Variants in DNAH11 observed in about 807,000 individuals in gnomAD.
DNAH11 encodes the protein dynein axonemal heavy chain 11, also known as axonemal beta dynein heavy chain 11.
A neutral mutation model predicts 526.0 loss-of-function variants in DNAH11; 442 were observed. The ratio of observed to expected loss-of-function variants is 0.84; its 90% CI spans 0.78 to 0.91. DNAH11 has a LOEUF of 0.91. Among genes scored for constraint, DNAH11 ranks in the 40% least tolerant of loss-of-function variants. The probability of loss-of-function intolerance (pLI) is 0.00; values close to 1 mark genes in which losing one functional copy is unlikely to be tolerated. For synonymous variants in DNAH11, 2,461 were observed against 1,935.9 expected, an observed-to-expected ratio of 1.27 and a Z score of -7.12; for missense variants, 6,989 against 5,448.7, an observed-to-expected ratio of 1.28 and a Z score of -8.90.
chr7:21,590,336 G>C (rs566852569), intron 12 of DNAH11, among the ~76,000 whole-genome samples: 2 of 152,114 alleles, frequency 1.3e-5, no homozygotes, highest in Non-Finnish European at 2.9e-5. Flanking sequence ...ACCACCATGG[G>C]TATGCTTTAG....
chr7:21,639,368 G>T (rs1787017776), intron 28 of DNAH11, among the ~76,000 whole-genome samples: 3 of 152,134 alleles, frequency 2.0e-5, no homozygotes, highest in Admixed American at 2.0e-4. Flanking sequence ...ACAAGAACTG[G>T]GACATCCATT....
rs575476197 is a variant in DNAH11 at position 21,601,467 on chromosome 7, A to C, written c.3497A>C (p.His1166Pro). ...CAGAGAGAATTAAATGAAGGTGATC[A>C]TGATGGTTTAGTTGACATCATGGTG... ...GLQRELNEGDHDGLVDIMVHL... is the reference protein window; with the variant it reads ...GLQRELNEGDPDGLVDIMVHL... Residue 1166 changes from histidine to proline, a missense_variant, in exon 18 of 82, where the codon CAT (histidine) becomes CCT (proline). Coordinates refer to ENST00000409508, the MANE Select transcript of DNAH11 (RefSeq NM_001277115.2). The C allele has an allele frequency of 7.4e-6, 12 of 1,613,864 alleles. No homozygotes were observed. Among genetic ancestry groups the C allele is most frequent in the African/African-American group, 5.3e-5 (4 of 75,062 alleles).
chr7:21,605,410 A>T (rs952488077), intron 18 of DNAH11, among the ~76,000 whole-genome samples: 1 of 152,220 alleles, frequency 6.6e-6, no homozygotes, highest in African/African-American at 2.4e-5. Context: ...TGCTCCATGC[A>T]TTGCTCCTTA....
chr7:21,689,215 C>T (rs1312228012), intron 34 of DNAH11, among the ~76,000 whole-genome samples: 1 of 152,156 alleles, frequency 6.6e-6, no homozygotes, highest in African/African-American at 2.4e-5. Context: ...TTTTATCTAG[C>T]TTTTAGTCAA....
chr7:21,701,985 G>A (rs971994651), intron 36 of DNAH11, among the ~76,000 whole-genome samples: 4 of 152,162 alleles, frequency 2.6e-5, no homozygotes, highest in African/African-American at 9.7e-5. Flanking sequence ...CCTTTACTGA[G>A]CACCGTGCAA....
chr7:21,720,692 T>G (rs1054739466), intron 43 of DNAH11, 33 bp from the exon 44 acceptor site: 1 of 1,527,410 alleles, frequency 6.5e-7, no homozygotes, highest in Non-Finnish European at 8.8e-7. Context: ...TTTAAAAAAA[T>G]GTTGCCTTAT....
rs148916596 is a variant in DNAH11, at chr7:21,601,511, A to G, written c.3541A>G (p.Ser1181Gly). 97 of 1,613,800 alleles carry G rather than the reference A, an allele frequency of 6.0e-5. No individual in the cohort carries two copies. The East Asian group carries it at 2.0e-3, about 33-fold the overall frequency. Residue 1181 changes from serine to glycine, a missense_variant, in exon 18 of 82, where the codon AGC (serine) becomes GGC (glycine). By Grantham distance (56) the Ser-to-Gly change is moderately conservative. Transcript: ENST00000409508. ...CATGGTGCATCTTCTGGCTGTAAGA[A>G]GCCGACAGAGAGCTACTGATGAACT... ...DIMVHLLAVR[S>G]RQRATDELFE...
At chr7:21,584,805 C>T (rs1311833666) in intron 9 of DNAH11, among the ~76,000 whole-genome samples, 1 of 152,156 alleles carries the variant, frequency 6.6e-6, no homozygotes, top group Non-Finnish European at 1.5e-5. Flanking sequence ...TAATCCTCTA[C>T]TGTAATCTTC....
intron 28 of DNAH11, among the ~76,000 whole-genome samples, chr7:21,640,459 A>G (rs550026884): frequency 1.7e-4 from 26 of 148,756 alleles, no homozygotes; most frequent in South Asian, 6.2e-4. Flanking sequence ...TGAATTTTCA[A>G]TAAGTAAGTT....
chr7:21,854,601 G>T (rs1425615629), intron 68 of DNAH11, 146 bp downstream of exon 68: 3 of 902,162 alleles, frequency 3.3e-6, no homozygotes, highest in Non-Finnish European at 3.1e-6. Flanking sequence ...CCAGGCTGGA[G>T]TGCAGTGGCG....
intron 61 of DNAH11, among the ~76,000 whole-genome samples, chr7:21,791,391 A>G (rs1788473227): frequency 6.6e-6 from 1 of 152,198 alleles, no homozygotes; most frequent in Admixed American, 6.5e-5. Flanking sequence ...TGCCTTTTCA[A>G]GGACTAGATA....
intron 6 of DNAH11, among the ~76,000 whole-genome samples, chr7:21,568,817 TA>T (rs571538111): frequency 2.6e-3 from 388 of 150,502 alleles, no homozygotes; most frequent in Non-Finnish European, 4.2e-3. Context: ...TTCAGCATCC[TA>T]AAAAGACACA....
In DNAH11 at chr7:21,589,226, T is replaced by C. The variant is rs765377446; in HGVS notation, c.1992T>C (p.Asp664=). ...CCTACAGATTTTTGGGCAATCCTGA[T>C]CACGCTTTAGTTTATCAAAAGTATG... ...SLRYLFLGNP[D]HALVYQKYVE... The change falls in exon 12 of 82, where the codon GAT becomes GAC. Residue 664 remains aspartate, a synonymous_variant. Coordinates refer to ENST00000409508, the MANE Select transcript of DNAH11 (RefSeq NM_001277115.2). The C allele has an allele frequency of 1.2e-6, 2 of 1,605,096 alleles. No individual in the cohort carries two copies. Among genetic ancestry groups the C allele is most frequent in the Admixed American group, 3.5e-5 (2 of 57,602 alleles).
chr7:21,616,376 A>T (rs1785785280), intron 22 of DNAH11, 84 bp downstream of exon 22: 1 of 1,055,238 alleles, frequency 9.5e-7, no homozygotes, highest in Non-Finnish European at 1.4e-6. Flanking sequence ...TATCTGGTGT[A>T]TTGGGCTGCA....
chr7:21,746,280 T>G lies in DNAH11; in HGVS notation c.8510+1217T>G, dbSNP rs574100430. On this transcript the variant is annotated intron_variant, in intron 51 of 81. Transcript: ENST00000409508. ...TCAATAAGTGACAACAGCCAAAGAC[T>G]TAAACAGAAAAAGAAAAAAGAAATC... is the stretch of plus-strand genomic sequence containing the variant. 3.9e-5 allele frequency among the ~76,000 whole-genome samples: 6 copies of G among 152,206 alleles called. No individual in the cohort carries two copies. The East Asian group carries it at 1.2e-3, about 29-fold the overall frequency.
chr7:21,675,254 C>T (rs1307175823), intron 30 of DNAH11, among the ~76,000 whole-genome samples: 2 of 152,192 alleles, frequency 1.3e-5, no homozygotes, highest in African/African-American at 2.4e-5. Context: ...TCCTTACACA[C>T]CCCTCCTTCC....
intron 79 of DNAH11, among the ~76,000 whole-genome samples, chr7:21,896,180 A>G (rs1286321811): frequency 1.3e-5 from 2 of 152,042 alleles, no homozygotes; most frequent in African/African-American, 4.8e-5. Flanking sequence ...TTTTGTTTTA[A>G]TATACTGTAC....
Position 21,901,162 on chromosome 7 carries a change from G to A in DNAH11, c.13459G>A (p.Gly4487Ser), listed in dbSNP as rs1784804643. The stretch of plus-strand genomic sequence containing the variant: ...CCCTGTGTATAGAACCAAACTGAGA[G>A]GCCCCAGCTACATCTGGACCTTCAG... ...ECPVYRTKLR[G>S]PSYIWTFRLK... Residue 4487 changes from glycine to serine, a missense_variant, in exon 82 of 82, where the codon GGC becomes AGC. By Grantham distance (56) the Gly-to-Ser change is moderately conservative. Coordinates refer to ENST00000409508, the MANE Select transcript of DNAH11 (RefSeq NM_001277115.2). The A allele has an allele frequency of 1.2e-6, 2 of 1,613,890 alleles. No individual in the cohort carries two copies. The highest frequency in any genetic ancestry group is 1.7e-6 in the Non-Finnish European group (2 of 1,179,858).
chr7:21,657,825 C>A (rs765592297), intron 29 of DNAH11, among the ~76,000 whole-genome samples: 3 of 152,244 alleles, frequency 2.0e-5, no homozygotes, highest in Middle Eastern at 3.4e-3. Flanking sequence ...AGCAGTGTTT[C>A]CTGTTTCTTT....
Sources: gnomAD v4.1 joint callset for allele counts (sites outside exome capture counted in the v4.1 genomes callset) on GRCh38, gnomAD v4.1.1 for gene constraint, MANE v1.5 for transcripts, NCBI Gene and HGNC (gene_info 2026-07-23, HGNC 2026-07-21) for gene names.